The following TYW1B variants were observed in gnomAD, a reference collection of about 807,000 sequenced individuals.
TYW1B encodes the protein S-adenosyl-L-methionine-dependent tRNA 4-demethylwyosine synthase TYW1B.
TYW1B carries 73 observed loss-of-function variants against 86.9 expected under a neutral mutation model. That is an observed-to-expected ratio of 0.84 (90% confidence interval 0.70 to 1.02). The LOEUF (loss-of-function observed/expected upper bound fraction) is 1.02, where lower values mean the gene tolerates loss of function less well. Ranked by LOEUF, TYW1B falls within the 50% of genes least tolerant of loss-of-function variation. The pLI is 0.00. For missense variants in TYW1B, 637 were observed against 827.4 expected, an observed-to-expected ratio of 0.77 and a Z score of 2.82; for synonymous variants, 248 against 292.8, an observed-to-expected ratio of 0.85 and a Z score of 1.56.
chr7:72,581,583 T>C (rs6975192), intron 13 of TYW1B, among the ~76,000 whole-genome samples: 68,724 of 151,456 alleles, frequency 0.45, 17,603 homozygotes, highest in African/African-American at 0.71. Context: ...CTCAGCCTCC[T>C]GAGTAGCTGG....
At chr7:72,630,268 A>AAAAT (rs1178186884) in intron 11 of TYW1B, among the ~76,000 whole-genome samples, 7 of 152,254 alleles carry the variant, frequency 4.6e-5, no homozygotes, top group East Asian at 1.9e-4. Context: ...AGACTGTCTC[A>AAAAT]AAATAAATAA....
At chr7:72,711,531 G>A (rs1174550499) in intron 10 of TYW1B, among the ~76,000 whole-genome samples, 6 of 133,442 alleles carry the variant, frequency 4.5e-5, no homozygotes, top group Admixed American at 1.7e-4. Context: ...GTGCAGTGGC[G>A]TGATCTTGGC....
intron 13 of TYW1B, among the ~76,000 whole-genome samples, chr7:72,595,339 CT>C (rs1451040925): frequency 3.3e-5 from 5 of 152,108 alleles, no homozygotes; most frequent in African/African-American, 1.2e-4. Context: ...TTTCCACATA[CT>C]AATAATGAAC....
chr7:72,698,615 C>T (rs1364914780), intron 10 of TYW1B, among the ~76,000 whole-genome samples: 2 of 149,948 alleles, frequency 1.3e-5, no homozygotes, highest in Admixed American at 6.7e-5. Context: ...CACTGTACTC[C>T]AGCCTGGGCA....
At chr7:72,613,252 C>T (rs1361773109) in intron 13 of TYW1B, among the ~76,000 whole-genome samples, 4 of 152,034 alleles carry the variant, frequency 2.6e-5, no homozygotes, top group African/African-American at 9.7e-5. Context: ...ATTTAGCTCA[C>T]AAACCTGTTT....
Position 72,575,543 on chromosome 7 carries a change from T to A in TYW1B, c.1962A>T (p.Thr654=), listed in dbSNP as rs1811000879. ...TTGATTTGTTCTTTCTCTGATGTCT[T>A]GTGTCCTTGGGATCAAAGCTTCTTT... The part of the protein sequence containing the change: ...ANERSFDPKD[T]RHQRKNKSKA... Residue 654 remains threonine (T), a synonymous_variant, in exon 14 of 14, where the codon ACA becomes ACT. Transcript: ENST00000620995. The A allele has an allele frequency of 6.2e-7, 1 of 1,613,900 alleles. No homozygotes were observed. Among genetic ancestry groups the A allele is most frequent in the Non-Finnish European group, 8.5e-7 (1 of 1,179,878 alleles).
At chr7:72,597,116 A>G (rs1554432739) in intron 13 of TYW1B, among the ~76,000 whole-genome samples, 4 of 152,014 alleles carry the variant, frequency 2.6e-5, no homozygotes, top group African/African-American at 9.7e-5. Context: ...CCAGATAAAT[A>G]TAAGGCAGAC....
At chr7:72,824,746 T>C (rs1788897823) in intron 2 of TYW1B, among the ~76,000 whole-genome samples, 2 of 151,302 alleles carry the variant, frequency 1.3e-5, no homozygotes, top group African/African-American at 2.4e-5. Context: ...ATCTCAAAAA[T>C]AAAATAAATT....
chr7:72,763,492 C>T (rs1787722418), intron 7 of TYW1B, among the ~76,000 whole-genome samples: 1 of 151,966 alleles, frequency 6.6e-6, no homozygotes, highest in South Asian at 2.1e-4. Flanking sequence ...CCATGTTGGC[C>T]AGGCTGGTCT....
intron 11 of TYW1B, among the ~76,000 whole-genome samples, chr7:72,664,107 C>T (rs1813402895): frequency 6.6e-6 from 1 of 152,094 alleles, no homozygotes; most frequent in African/African-American, 2.4e-5. Context: ...ACCCCAAAGC[C>T]TTCTGTGACC....
At chr7:72,737,868 G>C (rs1370062847) in intron 8 of TYW1B, among the ~76,000 whole-genome samples, 1 of 149,256 alleles carries the variant, frequency 6.7e-6, no homozygotes, top group African/African-American at 2.5e-5. Flanking sequence ...TCCACCTCCT[G>C]GGTTCACACC....
intron 13 of TYW1B, among the ~76,000 whole-genome samples, chr7:72,590,587 G>A (rs563883996): frequency 9.8e-5 from 15 of 152,312 alleles, no homozygotes; most frequent in Admixed American, 2.6e-4. Flanking sequence ...CCCAGGGAAA[G>A]GTACAGTCTT....
rs1235973585 is a variant in TYW1B at position 72,827,592 on chromosome 7, GTTAA to G, written c.4+476_4+479del. The stretch of plus-strand genomic sequence containing the variant: ...GTAAAAATACTTCATGTGAAATTAA[GTTAA>G]TTGTTTTGTTGTGCTTGCTCCATAA... On this transcript the variant is annotated intron_variant, in intron 1 of 13. Coordinates refer to ENST00000620995, the MANE Select transcript of TYW1B (RefSeq NM_001145440.3). 1.5e-3 allele frequency among the ~76,000 whole-genome samples: 228 copies of G among 149,084 alleles called. 2 individuals are homozygous for G. Among genetic ancestry groups the G allele is most frequent in the Non-Finnish European group, 3.7e-4 (25 of 67,964 alleles).
At chr7:72,653,376 G>A (rs1209547555) in intron 11 of TYW1B, among the ~76,000 whole-genome samples, 3 of 152,130 alleles carry the variant, frequency 2.0e-5, no homozygotes, top group Non-Finnish European at 4.4e-5. Flanking sequence ...GGAGGCCGAG[G>A]CGGGCGGATC....
intron 8 of TYW1B, among the ~76,000 whole-genome samples, chr7:72,736,209 G>C (rs13244323): frequency 6.6e-6 from 1 of 152,112 alleles, no homozygotes; most frequent in Non-Finnish European, 1.5e-5. Context: ...TAGCAACTTA[G>C]AACTTTTCAA....
chr7:72,627,466 A>G lies in TYW1B; in HGVS notation c.1617+1421T>C, dbSNP rs140531972. Among the ~76,000 whole-genome samples, 665 of 90,572 alleles carry G rather than the reference A, an allele frequency of 7.3e-3. 4 individuals are homozygous for G. The highest frequency in any genetic ancestry group is 0.025 in the Middle Eastern group (4 of 160). 59.4% of individuals were successfully genotyped at this position (90,572 alleles called of 152,430 possible). ...TCATCTCAAAAAACAGTAACATAAC[A>G]TAACATAACATAACATAACATAACA... is the stretch of plus-strand genomic sequence containing the variant. On this transcript the variant is annotated intron_variant, in intron 12 of 13. Coordinates refer to ENST00000620995, the MANE Select transcript of TYW1B (RefSeq NM_001145440.3).
intron 11 of TYW1B, among the ~76,000 whole-genome samples, chr7:72,646,175 C>T: frequency 6.6e-6 from 1 of 151,802 alleles, no homozygotes; most frequent in Non-Finnish European, 1.5e-5. Flanking sequence ...CTACCTCAGC[C>T]TCCTGAGTAG....
intron 13 of TYW1B, among the ~76,000 whole-genome samples, chr7:72,611,161 T>G (rs555226188): frequency 6.6e-6 from 1 of 152,252 alleles, no homozygotes; most frequent in East Asian, 1.9e-4. Flanking sequence ...TGGCGCCTCC[T>G]CTGTGAAGCC....
intron 11 of TYW1B, among the ~76,000 whole-genome samples, chr7:72,654,086 GA>G (rs56251020): frequency 0.31 from 37,177 of 118,800 alleles, 4,656 homozygotes; most frequent in Middle Eastern, 0.45. Context: ...TCACAAAAAA[GA>G]AAAAAAAAAA....
Sources: allele counts gnomAD v4.1 joint callset (sites outside exome capture counted in the v4.1 genomes callset), GRCh38; gene constraint gnomAD v4.1.1; transcripts MANE v1.5; gene names NCBI Gene and HGNC (gene_info 2026-07-23, HGNC 2026-07-21).